The following XPO6 variants were observed in gnomAD, a reference collection of about 807,000 sequenced individuals.
XPO6 encodes exportin 6.
A neutral mutation model predicts 130.0 loss-of-function variants in XPO6; 3 were observed. The observed-to-expected ratio is 0.02, with a 90% CI of 0.01 to 0.06. The LOEUF is 0.06. Among genes scored for constraint, XPO6 ranks in the 10% least tolerant of loss-of-function variants. The probability of loss-of-function intolerance (pLI) is 1.00; values close to 1 mark genes in which losing one functional copy is unlikely to be tolerated. For synonymous variants in XPO6, 524 were observed against 548.9 expected, an observed-to-expected ratio of 0.95 and a Z score of 0.63; for missense variants, 970 against 1,393.0, an observed-to-expected ratio of 0.70 and a Z score of 4.83.
At chr16:28,142,858 T>C (rs1471821173) in intron 9 of XPO6, among the ~76,000 whole-genome samples, 1 of 152,018 alleles carries the variant, frequency 6.6e-6, no homozygotes, top group Non-Finnish European at 1.5e-5. Flanking sequence ...ACGTGCACAC[T>C]ACCATGTCTG....
At chr16:28,171,350 G>A (rs142076570) in intron 4 of XPO6, among the ~76,000 whole-genome samples, 8,203 of 151,246 alleles carry the variant, frequency 0.054, 569 homozygotes, top group East Asian at 0.17. Flanking sequence ...CTACTCAGGA[G>A]GCTGAGGCAG....
At position 28,101,997 on chromosome 16, in the gene XPO6, G is replaced by A. The variant is rs747996174; in HGVS notation, c.2947-52C>T. 6 of 1,481,738 alleles carry A rather than the reference G, an allele frequency of 4.0e-6. No individual in the cohort carries two copies. In the South Asian group the frequency reaches 4.7e-5, roughly 12 times the overall value. 91.8% of individuals were successfully genotyped at this position (1,481,738 alleles called of 1,614,324 possible). ...AACTGCAAGACCAAGCACTTCTGGA[G>A]CATCTACCCCATGTCAGAAGAACAA... On this transcript the variant is annotated intron_variant, in intron 21 of 23. Coordinates refer to ENST00000304658, the MANE Select transcript of XPO6 (RefSeq NM_015171.4). This position sits in a 1 kb window ranked among gnomAD's most constrained non-coding sequence, Gnocchi z 5.4.
intron 2 of XPO6, among the ~76,000 whole-genome samples, chr16:28,178,705 C>T (rs1400299104): frequency 6.6e-5 from 10 of 151,036 alleles, no homozygotes; most frequent in Admixed American, 5.3e-4. Context: ...GCTATGATCA[C>T]GCCACTACAC....
At chr16:28,151,355 A>G (rs11074890) in intron 8 of XPO6, among the ~76,000 whole-genome samples, 8,900 of 152,248 alleles carry the variant, frequency 0.058, 651 homozygotes, top group East Asian at 0.17. Context: ...CAGGGGAGTG[A>G]ACTTGCAAAC....
chr16:28,129,417 C>A (rs938619552), intron 12 of XPO6, among the ~76,000 whole-genome samples: 1 of 152,144 alleles, frequency 6.6e-6, no homozygotes, highest in Admixed American at 6.5e-5. Flanking sequence ...GATTTCCCCC[C>A]AAAAGCACAG....
In XPO6 at chr16:28,177,247, T is replaced by C. The variant is rs766634330; in HGVS notation, c.180A>G (p.Val60=). Residue 60 remains valine, a synonymous_variant, in exon 3 of 24, where the codon GTA becomes GTG. Coordinates refer to ENST00000304658, the MANE Select transcript of XPO6 (RefSeq NM_015171.4). ...YFLSSTRNDY[V]MMYSLTVFEN... ...CAAAAACTGTTAAACTGTACATCATTACATAGTCATTCCTAGTGCTGGAGA... is the reference window on the plus strand; with the variant it reads ...CAAAAACTGTTAAACTGTACATCATCACATAGTCATTCCTAGTGCTGGAGA... The C allele has an allele frequency of 5.0e-6, 8 of 1,611,028 alleles. No individual in the cohort carries two copies. The Admixed American group carries it at 1.3e-4, about 27-fold the overall frequency.
intron 17 of XPO6, among the ~76,000 whole-genome samples, chr16:28,109,009 C>CAA (rs2086851349): frequency 6.6e-6 from 1 of 152,336 alleles, no homozygotes; most frequent in Admixed American, 6.5e-5. Flanking sequence ...TCCACAACTA[C>CAA]AAGCACATGG....
intron 1 of XPO6, among the ~76,000 whole-genome samples, chr16:28,200,156 C>CAA (rs199587858): frequency 2.8e-5 from 4 of 141,638 alleles, no homozygotes; most frequent in South Asian, 4.5e-4. Flanking sequence ...GACTCTATCT[C>CAA]AAAAAAAGAA....
chr16:28,198,015 G>A (rs2043896704), intron 1 of XPO6, among the ~76,000 whole-genome samples: 4 of 138,216 alleles, frequency 2.9e-5, no homozygotes, highest in South Asian at 4.5e-4. Context: ...GCCCTTCTGG[G>A]AATCTATCCT....
intron 4 of XPO6, among the ~76,000 whole-genome samples, chr16:28,173,516 G>A (rs115529766): frequency 0.018 from 2,703 of 152,238 alleles, 74 homozygotes; most frequent in African/African-American, 0.059. Flanking sequence ...GCCATGGCAG[G>A]AAAATCACTT....
intron 1 of XPO6, among the ~76,000 whole-genome samples, chr16:28,195,782 A>C (rs938646493): frequency 2.0e-5 from 3 of 152,128 alleles, no homozygotes; most frequent in Non-Finnish European, 2.9e-5. Context: ...AAAATGTCAA[A>C]CACTGAGAAA....
chr16:28,137,809 C>T (rs886804261), intron 9 of XPO6, among the ~76,000 whole-genome samples: 1 of 152,092 alleles, frequency 6.6e-6, no homozygotes, highest in Admixed American at 6.6e-5. Flanking sequence ...TATAACTGAT[C>T]TCCTCACCCA....
At chr16:28,113,974 A>G (rs1022497152) in intron 15 of XPO6, among the ~76,000 whole-genome samples, 2 of 152,196 alleles carry the variant, frequency 1.3e-5, no homozygotes, top group African/African-American at 4.8e-5. Flanking sequence ...AATGTTATGT[A>G]TGACTAAAAC....
At chr16:28,176,437 A>T in intron 3 of XPO6, among the ~76,000 whole-genome samples, 1 of 152,200 alleles carries the variant, frequency 6.6e-6, no homozygotes, top group Non-Finnish European at 1.5e-5. Flanking sequence ...ACATGTGGGG[A>T]TATAAAATAA....
At chr16:28,190,460 C>T (rs191459102) in intron 1 of XPO6, among the ~76,000 whole-genome samples, 3 of 152,154 alleles carry the variant, frequency 2.0e-5, no homozygotes, top group East Asian at 1.9e-4. Flanking sequence ...TGACCTCAAG[C>T]GATACCGCCC....
chr16:28,205,995 G>A (rs1383236375), intron 1 of XPO6, among the ~76,000 whole-genome samples: 3 of 134,856 alleles, frequency 2.2e-5, no homozygotes, highest in African/African-American at 5.5e-5. Context: ...CTGAGATCAC[G>A]CCACTGCACT....
At chr16:28,133,758 AG>A (rs2042721249) in intron 11 of XPO6, 82 bp downstream of exon 11, 1 of 1,239,572 alleles carries the variant, frequency 8.1e-7, no homozygotes, top group Non-Finnish European at 1.2e-6. Context: ...GGGGAGAGAG[AG>A]AGAGATCCAG....
At chr16:28,168,706 A>G (rs1028294596) in intron 5 of XPO6, among the ~76,000 whole-genome samples, 1 of 150,966 alleles carries the variant, frequency 6.6e-6, no homozygotes, top group Admixed American at 6.6e-5. Flanking sequence ...AGCTCAAGCA[A>G]TTCTCCTTCT....
chr16:28,164,509 G>A (rs71389833), intron 6 of XPO6, among the ~76,000 whole-genome samples: 2,262 of 152,196 alleles, frequency 0.015, 41 homozygotes, highest in Non-Finnish European at 0.019. Flanking sequence ...CAGCTTAAAA[G>A]CTTACATAAC....
Sources: allele counts gnomAD v4.1 joint callset (sites outside exome capture counted in the v4.1 genomes callset), GRCh38; gene constraint gnomAD v4.1.1; non-coding constraint Gnocchi (gnomAD v3.1); transcripts MANE v1.5; gene names NCBI Gene and HGNC (gene_info 2026-07-23, HGNC 2026-07-21).